ITGA8: variants seen among roughly 807,000 people sequenced by gnomAD.
ITGA8 encodes integrin subunit alpha 8.
A neutral mutation model predicts 142.3 loss-of-function variants in ITGA8; 91 were observed. The observed-to-expected ratio is 0.64, with a 90% confidence interval of 0.54 to 0.76. ITGA8 has a LOEUF of 0.76. ITGA8 is among the 30% of genes least tolerant of loss of function. The pLI, the probability that ITGA8 is intolerant of heterozygous loss-of-function variation, is 0.00. For synonymous variants in ITGA8, 505 were observed against 485.2 expected (o/e 1.04, Z -0.54); for missense variants, 1,406 against 1,327.7 (o/e 1.06, Z -0.92).
At chr10:15,670,445 A>T (rs1296922665) in intron 8 of ITGA8, among the ~76,000 whole-genome samples, 1 of 152,174 alleles carries the variant, frequency 6.6e-6, no homozygotes, top group Non-Finnish European at 1.5e-5. Flanking sequence ...ACTTGAACCT[A>T]CGTGGATCTT....
chr10:15,517,189 T>C lies in ITGA8; in HGVS notation c.3161A>G (p.Gln1054Arg), dbSNP rs1172887572. 6.2e-7 allele frequency: 1 copy of C among 1,613,540 alleles called. No homozygotes were observed. Among genetic ancestry groups the C allele is most frequent in the Non-Finnish European group, 8.5e-7 (1 of 1,179,676 alleles). ...PPQEDMTDRE[Q>R]LTNDKTPEA Reference sequence around the variant, plus strand: ...CTCAGGGGTCTTGTCATTTGTCAGCTGTTCCCTGTCGGTCATGTCCTCCTG... The same window carrying C: ...CTCAGGGGTCTTGTCATTTGTCAGCCGTTCCCTGTCGGTCATGTCCTCCTG... The change falls in exon 30 of 30, where the codon CAG becomes CGG. Residue 1054 changes from glutamine (Q) to arginine (R), a missense_variant. Physicochemically the swap from Gln to Arg is conservative, Grantham distance 43. Transcript: ENST00000378076.
At chr10:15,640,805 A>C (rs1447638797) in intron 13 of ITGA8, among the ~76,000 whole-genome samples, 1 of 152,202 alleles carries the variant, frequency 6.6e-6, no homozygotes, top group Admixed American at 6.5e-5. Context: ...GGACTGAAAG[A>C]GGCTAACAGA....
Position 15,605,451 on chromosome 10 carries a change from A to G in ITGA8, c.1970+273T>C, listed in dbSNP as rs186118564. On this transcript the variant is annotated intron_variant, in intron 19 of 29. Transcript: ENST00000378076. ...AAGTAAACATAACCCGAGCCACCCC[A>G]TCAATGAGTTTACTTTCAACAAAAA... is the stretch of plus-strand genomic sequence containing the variant. Among the ~76,000 whole-genome samples, 789 of 151,072 alleles carry G rather than the reference A, an allele frequency of 5.2e-3. 7 individuals are homozygous for G. Among genetic ancestry groups the G allele is most frequent in the African/African-American group, 0.018 (745 of 41,246 alleles).
rs891774413 is a variant in ITGA8 at position 15,694,561 on chromosome 10, TATA to T, written c.344-6526_344-6524del. On this transcript the variant is annotated intron_variant, in intron 2 of 29. Transcript: ENST00000378076. ...AAATGTATCTAATATATTATAGAGT[TATA>T]ATATATAAAATATATAAAATATATA... Among the ~76,000 whole-genome samples, 156 of 138,640 alleles carry T rather than the reference TATA, an allele frequency of 1.1e-3. 1 individual carries two copies. The highest frequency in any genetic ancestry group is 3.8e-3 in the African/African-American group (145 of 38,232). The allele number at this position is 138,640 out of a possible 152,430, so 91.0% of individuals were successfully genotyped here.
rs536821644 is a variant in ITGA8 at position 15,719,888 on chromosome 10, G to A, written c.-117C>T. 582 of 786,664 alleles carry A rather than the reference G, an allele frequency of 7.4e-4. 4 individuals are homozygous for A. In the African/African-American group the frequency reaches 9.1e-3, roughly 12 times the overall value. 48.7% of individuals were successfully genotyped at this position (786,664 alleles called of 1,614,324 possible). A position where few individuals can be genotyped will look rare whatever the true frequency, so the allele number is the denominator to read the frequency against. ...AGCTGCCCGTGTCCCGGGTCGGTGC[G>A]CTCGGCGCACCCGTGGTGACAGTGC... is the stretch of plus-strand genomic sequence containing the variant. On this transcript the variant is annotated 5_prime_UTR_variant, in exon 1 of 30. Transcript: ENST00000378076.
intron 26 of ITGA8, among the ~76,000 whole-genome samples, chr10:15,554,785 A>C (rs2131563769): frequency 1.3e-5 from 2 of 151,544 alleles, no homozygotes; most frequent in South Asian, 4.2e-4. Flanking sequence ...TAATTGACTC[A>C]CAGTTCCACA....
chr10:15,650,260 C>T (rs1275108623), intron 11 of ITGA8, among the ~76,000 whole-genome samples: 1 of 152,138 alleles, frequency 6.6e-6, no homozygotes, highest in African/African-American at 2.4e-5. Context: ...AAATCACACA[C>T]CTGGGTTCAT....
intron 23 of ITGA8, among the ~76,000 whole-genome samples, chr10:15,583,634 A>C (rs1465300546): frequency 1.3e-5 from 2 of 152,182 alleles, no homozygotes; most frequent in Admixed American, 1.3e-4. Flanking sequence ...CTTGCATAAC[A>C]TTATAGATCA....
Position 15,681,823 on chromosome 10 carries a change from A to T in ITGA8, c.568+2181T>A, listed in dbSNP as rs1588720248. Among the ~76,000 whole-genome samples, 6 of 152,336 alleles carry T rather than the reference A, an allele frequency of 3.9e-5. No homozygotes were observed. The South Asian group carries it at 1.2e-3, about 32-fold the overall frequency. On this transcript the variant is annotated intron_variant, in intron 4 of 29. Transcript: ENST00000378076. The stretch of plus-strand genomic sequence containing the variant: ...ATATCACAGAACAGGAACATGGGCA[A>T]ATCATGGAGTATAGGATATGGACAG...
Position 15,671,626 on chromosome 10 carries a change from TCC to T in ITGA8, c.822_823del (p.Glu275ValfsTer27). ...ACCTTGCTGAGAATCCCCAGTAAACTCCCCAGCAGCAACTGAGTATCCTGTTT... is the reference window on the plus strand; with the variant it reads ...ACCTTGCTGAGAATCCCCAGTAAACTCCAGCAGCAACTGAGTATCCTGTTT... On this transcript the variant is annotated frameshift_variant, in exon 8 of 30. Coordinates refer to ENST00000378076, the MANE Select transcript of ITGA8 (RefSeq NM_003638.3). LOFTEE classifies it high-confidence loss of function. 1 of 1,612,532 alleles carries T rather than the reference TCC, an allele frequency of 6.2e-7. No homozygotes were observed. Among genetic ancestry groups the T allele is most frequent in the Non-Finnish European group, 8.5e-7 (1 of 1,178,890 alleles).
intron 13 of ITGA8, among the ~76,000 whole-genome samples, chr10:15,626,838 C>A (rs901840797): frequency 6.6e-6 from 1 of 152,106 alleles, no homozygotes; most frequent in Non-Finnish European, 1.5e-5. Context: ...GGAAACCAAC[C>A]CTGCTGACGC....
intron 2 of ITGA8, among the ~76,000 whole-genome samples, chr10:15,695,134 A>C (rs147029296): frequency 6.6e-6 from 1 of 152,252 alleles, no homozygotes; most frequent in East Asian, 1.9e-4. Flanking sequence ...TAATAACTTG[A>C]TTGCAAGTGT....
In ITGA8 at chr10:15,644,363, A is replaced by T. The variant is rs1666914380; in HGVS notation, c.1208-142T>A. On this transcript the variant is annotated intron_variant, in intron 12 of 29. Coordinates refer to ENST00000378076, the MANE Select transcript of ITGA8 (RefSeq NM_003638.3). ...GCTCACCGCAGCCCCACACTCCCGG[A>T]CTCAAGTGATCCTCCTGCCTCAACT... The T allele has an allele frequency of 2.4e-5, 14 of 573,500 alleles. No individual in the cohort carries two copies. The South Asian group carries it at 4.2e-4, about 17-fold the overall frequency. 35.5% of individuals were successfully genotyped at this position (573,500 alleles called of 1,614,324 possible).
chr10:15,589,319 T>G (rs1336126961), intron 22 of ITGA8, among the ~76,000 whole-genome samples: 1 of 152,190 alleles, frequency 6.6e-6, no homozygotes, highest in African/African-American at 2.4e-5. Context: ...CATCTCACCA[T>G]TACTAAGGAA....
chr10:15,594,146 A>T (rs901058500), intron 21 of ITGA8, among the ~76,000 whole-genome samples: 2 of 151,842 alleles, frequency 1.3e-5, no homozygotes, highest in Non-Finnish European at 2.9e-5. Flanking sequence ...GGCCGGATGA[A>T]TTTTTTTAAA....
chr10:15,567,851 G>T (rs1834106928), intron 25 of ITGA8, among the ~76,000 whole-genome samples: 1 of 152,094 alleles, frequency 6.6e-6, no homozygotes, highest in South Asian at 2.1e-4. Flanking sequence ...CGCCCTAAGG[G>T]TTGAAAGTGT....
intron 13 of ITGA8, among the ~76,000 whole-genome samples, chr10:15,625,787 AT>A (rs1833571211): frequency 6.6e-6 from 1 of 152,204 alleles, no homozygotes; most frequent in South Asian, 2.1e-4. Context: ...AGAAGAAATT[AT>A]TTAGGCAGAT....
chr10:15,519,437 A>C, intron 28 of ITGA8, 25 bp from the exon 29 acceptor site: 1 of 1,612,136 alleles, frequency 6.2e-7, no homozygotes, highest in Non-Finnish European at 8.5e-7. Flanking sequence ...AAAGCAAATG[A>C]GCTCTAATGC....
intron 1 of ITGA8, 107 bp downstream of exon 1, chr10:15,719,456 C>T: frequency 3.0e-6 from 3 of 1,011,254 alleles, no homozygotes; most frequent in Non-Finnish European, 4.1e-6. Flanking sequence ...GGGCAGGCGG[C>T]AGGACGGGGA....
Sources: gnomAD v4.1 joint callset for allele counts (sites outside exome capture counted in the v4.1 genomes callset) on GRCh38, gnomAD v4.1.1 for gene constraint, MANE v1.5 for transcripts, NCBI Gene and HGNC (gene_info 2026-07-23, HGNC 2026-07-21) for gene names.